The following TTC23 variants were observed in gnomAD, a reference collection of about 807,000 sequenced individuals.
TTC23 encodes the protein tetratricopeptide repeat protein 23.
Under a neutral mutation model 55.1 loss-of-function variants are expected in TTC23, and 58 were observed. That is an observed-to-expected ratio of 1.05 (90% CI 0.85 to 1.31). The LOEUF (loss-of-function observed/expected upper bound fraction) is 1.31. Ranked by LOEUF, TTC23 falls within the 50% of genes most tolerant of loss-of-function variation. The pLI, the probability that TTC23 is intolerant of heterozygous loss-of-function variation, is 0.00. For missense variants in TTC23, 516 were observed against 534.4 expected (o/e 0.97, Z 0.34); for synonymous variants, 203 against 199.9 (o/e 1.02, Z -0.13).
chr15:99,234,840 T>C (rs2079184404), intron 4 of TTC23, 148 bp downstream of exon 4: 1 of 152,088 alleles, frequency 6.6e-6, no homozygotes, highest in African/African-American at 2.4e-5. Flanking sequence ...AGACTTATTG[T>C]AGTAAGTGTT....
chr15:99,156,838 AAG>A (rs2070654104), intron 11 of TTC23, among the ~76,000 whole-genome samples: 1 of 152,214 alleles, frequency 6.6e-6, no homozygotes, highest in Admixed American at 6.5e-5. Flanking sequence ...GTAAACTATG[AAG>A]AGAGAGGACA....
At chr15:99,140,501 C>G (rs1252769566) in intron 12 of TTC23, 1 of 152,090 alleles carries the variant, frequency 6.6e-6, no homozygotes, top group Non-Finnish European at 1.5e-5. Context: ...TCCCGAGTAG[C>G]TGAGATTACA....
chr15:99,149,003 T>C (rs377717684), intron 12 of TTC23, among the ~76,000 whole-genome samples: 1 of 152,184 alleles, frequency 6.6e-6, no homozygotes, highest in African/African-American at 2.4e-5. Context: ...GAAAAGCCAC[T>C]GTTCAGTGGG....
intron 12 of TTC23, among the ~76,000 whole-genome samples, chr15:99,146,670 T>C (rs1208479753): frequency 1.3e-5 from 2 of 152,254 alleles, no homozygotes; most frequent in African/African-American, 4.8e-5. Flanking sequence ...AGAGTTCTGA[T>C]GTTTGAGGAG....
intron 9 of TTC23, among the ~76,000 whole-genome samples, chr15:99,198,246 C>G (rs1378708493): frequency 6.6e-6 from 1 of 152,198 alleles, no homozygotes; most frequent in Non-Finnish European, 1.5e-5. Context: ...ACCTAAAACA[C>G]AGCTTGCCAT....
At chr15:99,222,857 C>T (rs1299407162) in intron 5 of TTC23, among the ~76,000 whole-genome samples, 2 of 151,980 alleles carry the variant, frequency 1.3e-5, no homozygotes, top group Non-Finnish European at 2.9e-5. Flanking sequence ...ATTAGCCAGG[C>T]ATGGTGGCGG....
At chr15:99,175,635 A>G (rs1010824467) in intron 9 of TTC23, among the ~76,000 whole-genome samples, 10 of 152,220 alleles carry the variant, frequency 6.6e-5, no homozygotes, top group African/African-American at 2.2e-4. Flanking sequence ...TGCACCCTCT[A>G]CAAACTTGCT....
intron 10 of TTC23, among the ~76,000 whole-genome samples, chr15:99,167,011 C>G (rs1354736483): frequency 2.0e-5 from 3 of 152,174 alleles, no homozygotes; most frequent in Admixed American, 2.0e-4. Context: ...TCCCCCAACC[C>G]CCTCACCTCC....
At chr15:99,197,125 C>A (rs1466831760) in intron 9 of TTC23, among the ~76,000 whole-genome samples, 1 of 147,850 alleles carries the variant, frequency 6.8e-6, no homozygotes, top group Admixed American at 6.8e-5. Context: ...TTTTTTGAGA[C>A]GGAGTCACGC....
intron 9 of TTC23, among the ~76,000 whole-genome samples, chr15:99,199,648 T>G (rs1292355331): frequency 1.3e-5 from 2 of 152,094 alleles, no homozygotes; most frequent in Non-Finnish European, 2.9e-5. Context: ...TAACATACGC[T>G]CTAAATAGAT....
chr15:99,204,126 TC>T (rs2076418972), intron 8 of TTC23, among the ~76,000 whole-genome samples: 1 of 152,152 alleles, frequency 6.6e-6, no homozygotes, highest in South Asian at 2.1e-4. Flanking sequence ...TGTATGAGTG[TC>T]CCCCTTTCTC....
chr15:99,169,942 C>A (rs1329711603), intron 10 of TTC23, among the ~76,000 whole-genome samples: 1 of 152,222 alleles, frequency 6.6e-6, no homozygotes, highest in Non-Finnish European at 1.5e-5. Context: ...GGGCTACTTC[C>A]AAACAAGGCC....
chr15:99,138,292 G>GT (rs2067774879), intron 13 of TTC23, among the ~76,000 whole-genome samples, 165 bp from the exon 14 acceptor site: 1 of 151,774 alleles, frequency 6.6e-6, no homozygotes, highest in South Asian at 2.1e-4. Context: ...AACATGAGAT[G>GT]TTTTCCTCCC....
chr15:99,139,122 A>G (rs2067907904), intron 13 of TTC23, 195 bp downstream of exon 13: 1 of 734,768 alleles, frequency 1.4e-6, no homozygotes, highest in African/African-American at 1.7e-5. Flanking sequence ...TAAAGGATGA[A>G]TTATTTTTAA....
Position 99,228,691 on chromosome 15 carries a change from G to C in TTC23, c.22C>G (p.His8Asp). 6.2e-7 allele frequency: 1 copy of C among 1,603,932 alleles called. No homozygotes were observed. Among genetic ancestry groups the C allele is most frequent in the Non-Finnish European group, 8.5e-7 (1 of 1,174,976 alleles). Reference protein sequence around the residue: MQESQETHISNHLDEVVA... With the variant: MQESQETDISNHLDEVVA... ...ACTTCATCTAGGTGGTTGGATATGT[G>C]GGTTTCCTGTGATTCTTGCATATTT... Residue 8 changes from histidine to aspartate, a missense_variant, in exon 5 of 14, where the codon CAC (histidine) becomes GAC (aspartate). Coordinates refer to ENST00000394132, the MANE Select transcript of TTC23 (RefSeq NM_001288615.3).
intron 2 of TTC23, among the ~76,000 whole-genome samples, chr15:99,244,756 T>A (rs79769878): frequency 0.026 from 4,021 of 152,210 alleles, 187 homozygotes; most frequent in African/African-American, 0.091. Context: ...AGCTGTTTTT[T>A]TGCAGAAATT....
rs192510446 is a variant in TTC23, at chr15:99,230,481, T to A, written c.-20-1749A>T. On this transcript the variant is annotated intron_variant, in intron 4 of 13. Coordinates refer to ENST00000394132, the MANE Select transcript of TTC23 (RefSeq NM_001288615.3). ...ATTTTTCCAAATTTAAGAAAAAGCA[T>A]AAAGCCAGAGATCCAAGAAGCTCAA... is the stretch of plus-strand genomic sequence containing the variant. 7.2e-5 allele frequency among the ~76,000 whole-genome samples: 11 copies of A among 152,090 alleles called. No individual in the cohort carries two copies. In the East Asian group the frequency reaches 2.1e-3, roughly 29 times the overall value.
In TTC23 at chr15:99,199,960, C is replaced by T; in HGVS notation, c.718G>A (p.Ala240Thr). 2 of 1,613,670 alleles carry T rather than the reference C, an allele frequency of 1.2e-6. No homozygotes were observed. The highest frequency in any genetic ancestry group is 2.2e-5 in the South Asian group (2 of 90,970). Residue 240 changes from alanine (A) to threonine (T), a missense_variant, in exon 9 of 14, where the codon GCC (alanine) becomes ACC (threonine). Ala to Thr is a moderately conservative substitution (Grantham distance 58). Coordinates refer to ENST00000394132, the MANE Select transcript of TTC23 (RefSeq NM_001288615.3). ...ILRELAGVEQ[A>T]LGLHDVSINH... is the part of the protein sequence containing the mutation. ...ATGGATACATCGTGGAGTCCCAGGGCTTGCTCTACACCTGCTAATTCTCTC... is the reference window on the plus strand; with the variant it reads ...ATGGATACATCGTGGAGTCCCAGGGTTTGCTCTACACCTGCTAATTCTCTC...
intron 5 of TTC23, among the ~76,000 whole-genome samples, chr15:99,225,885 T>C (rs117236808): frequency 0.011 from 1,717 of 152,322 alleles, 20 homozygotes; most frequent in South Asian, 0.04. Context: ...TGTTCAAGGT[T>C]GGCATCACTG....
Sources: allele counts gnomAD v4.1 joint callset (sites outside exome capture counted in the v4.1 genomes callset), GRCh38; gene constraint gnomAD v4.1.1; transcripts MANE v1.5; gene names NCBI Gene and HGNC (gene_info 2026-07-23, HGNC 2026-07-21).